Variants in PCNX2 observed in about 807,000 individuals in gnomAD.
PCNX2 encodes the protein pecanex 2.
Under a neutral mutation model 223.8 loss-of-function variants are expected in PCNX2, and 168 were observed. That is an observed-to-expected ratio of 0.75 (90% CI 0.66 to 0.85). The LOEUF (loss-of-function observed/expected upper bound fraction) is 0.85. Among genes scored for constraint, PCNX2 ranks in the 40% least tolerant of loss-of-function variants. The pLI is 0.00. For missense variants in PCNX2, 2,507 were observed against 2,675.5 expected, an observed-to-expected ratio of 0.94 and a Z score of 1.39; for synonymous variants, 1,006 against 1,052.6, an observed-to-expected ratio of 0.96 and a Z score of 0.86.
intron 19 of PCNX2, among the ~76,000 whole-genome samples, chr1:233,146,428 G>A (rs867580034): frequency 2.6e-5 from 4 of 152,142 alleles, no homozygotes; most frequent in East Asian, 1.9e-4. Context: ...AGTAACTAGC[G>A]TATTAAACAA....
At chr1:233,257,076 T>G (rs1489428579) in intron 5 of PCNX2, among the ~76,000 whole-genome samples, 1 of 152,188 alleles carries the variant, frequency 6.6e-6, no homozygotes, top group African/African-American at 2.4e-5. Flanking sequence ...AAAGACCTTA[T>G]AAAAGCTCTA....
At chr1:233,140,707 C>G (rs1215038899) in intron 19 of PCNX2, among the ~76,000 whole-genome samples, 1 of 152,202 alleles carries the variant, frequency 6.6e-6, no homozygotes, top group African/African-American at 2.4e-5. Context: ...GGTCAGAGCA[C>G]AAACTTCCTT....
intron 23 of PCNX2, among the ~76,000 whole-genome samples, chr1:233,069,226 G>C (rs1672744972): frequency 6.6e-6 from 1 of 152,086 alleles, no homozygotes; most frequent in South Asian, 2.1e-4. Context: ...AAACCTGATA[G>C]AACTGAAAAA....
chr1:233,047,937 C>G (rs898904672), intron 25 of PCNX2, among the ~76,000 whole-genome samples: 2 of 152,052 alleles, frequency 1.3e-5, no homozygotes, highest in African/African-American at 4.8e-5. Context: ...GAACATACTG[C>G]AAGATCAACC....
At chr1:233,032,673 G>T (rs1229800353) in intron 25 of PCNX2, among the ~76,000 whole-genome samples, 1 of 151,700 alleles carries the variant, frequency 6.6e-6, no homozygotes, top group Non-Finnish European at 1.5e-5. Flanking sequence ...ACATGTGTGT[G>T]TCTGTGTATG....
chr1:233,276,533 G>C (rs1476680449), intron 1 of PCNX2, among the ~76,000 whole-genome samples: 1 of 152,120 alleles, frequency 6.6e-6, no homozygotes, highest in Non-Finnish European at 1.5e-5. Context: ...ATAACACTTT[G>C]GATTACGCAT....
intron 1 of PCNX2, among the ~76,000 whole-genome samples, chr1:233,277,755 A>G (rs775273491): frequency 6.6e-5 from 10 of 152,112 alleles, no homozygotes; most frequent in Non-Finnish European, 1.5e-4. Context: ...GGAGGAGGGC[A>G]CCGATCATTA....
At chr1:232,993,306 T>C (rs1309151945) in intron 32 of PCNX2, among the ~76,000 whole-genome samples, 1 of 152,226 alleles carries the variant, frequency 6.6e-6, no homozygotes, top group East Asian at 1.9e-4. Context: ...TCACTCTTGC[T>C]GTGCTTTAAC....
intron 21 of PCNX2, among the ~76,000 whole-genome samples, chr1:233,119,478 G>A (rs1456975259): frequency 3.4e-4 from 49 of 145,916 alleles, no homozygotes; most frequent in African/African-American, 1.2e-3. Context: ...CCAGCTACTC[G>A]GGAGGCTGAG....
At chr1:233,133,803 T>C (rs1676646459) in intron 21 of PCNX2, among the ~76,000 whole-genome samples, 2 of 152,110 alleles carry the variant, frequency 1.3e-5, no homozygotes, top group Non-Finnish European at 2.9e-5. Context: ...GAGGCTGCAG[T>C]GAGCAATAAT....
chr1:233,178,378 A>G (rs1414450362), intron 16 of PCNX2, among the ~76,000 whole-genome samples: 3 of 152,214 alleles, frequency 2.0e-5, no homozygotes, highest in African/African-American at 7.2e-5. Flanking sequence ...AATCTTTCAT[A>G]AATTTAAACA....
intron 25 of PCNX2, among the ~76,000 whole-genome samples, chr1:233,040,890 T>G (rs936065138): frequency 6.6e-6 from 1 of 152,184 alleles, no homozygotes. Context: ...CCTCTAAAGA[T>G]ATCAGTTTGA....
chr1:232,986,531 T>A lies in PCNX2; in HGVS notation c.5801A>T (p.Lys1934Ile), dbSNP rs373904408. 7.2e-5 allele frequency: 110 copies of A among 1,526,056 alleles called. No individual in the cohort carries two copies. The African/African-American group carries it at 1.4e-3, about 20-fold the overall frequency. 94.5% of individuals were successfully genotyped at this position (1,526,056 alleles called of 1,614,324 possible). A position where few individuals can be genotyped will look rare whatever the true frequency, so the allele number is the denominator to read the frequency against. Residue 1934 changes from lysine (K) to isoleucine (I), a missense_variant, in exon 33 of 34, where the codon AAA (lysine) becomes ATA (isoleucine). Coordinates refer to ENST00000258229, the MANE Select transcript of PCNX2 (RefSeq NM_014801.4). ...CEGTQRTGRR[K>I]GRSQSVQAHS... ...TGCCTGCACGGACTGGCTCCTGCCT[T>A]TCCTCCTGCCTTTAAAAGAAAGCAG...
chr1:233,183,799 T>C (rs1242362462), intron 15 of PCNX2, among the ~76,000 whole-genome samples: 3 of 152,138 alleles, frequency 2.0e-5, no homozygotes, highest in African/African-American at 7.2e-5. Context: ...CACGAGGGGC[T>C]ACACAGCAGG....
rs1247974205 is a variant in PCNX2 at position 233,000,441 on chromosome 1, C to T, written c.5192G>A (p.Gly1731Asp). The T allele has an allele frequency of 6.3e-7, 1 of 1,599,042 alleles. No homozygotes were observed. The highest frequency in any genetic ancestry group is 2.2e-5 in the East Asian group (1 of 44,676). The change falls in exon 30 of 34, where the codon GGC (glycine) becomes GAC (aspartate). Residue 1731 changes from glycine to aspartate, a missense_variant. Gly to Asp is a moderately conservative substitution (Grantham distance 94, BLOSUM62 -1). This residue lies in a region of PCNX2 where 1,372 missense variants were observed against 1,509.4 expected (regional missense o/e 0.91). Transcript: ENST00000258229. The surrounding 1 kb of genome is among the most constrained non-coding windows in gnomAD (Gnocchi z 4.6). ...CACTGCGCCCCGCCAGGCCGGGTCG[C>T]CCTCGTGGCAGATGACCACCTTCTT... ...FEKKVVICHE[G>D]DPAWRGAVLS...
At position 233,001,237 on chromosome 1, in the gene PCNX2, TG is replaced by T. The variant is rs1273035674; in HGVS notation, c.5097+299del. ...GCTCACGCCTGTAATCCCAGCACTT[TG>T]GGAGGCTAAGGCGGGCAGATCACTT... is the stretch of plus-strand genomic sequence containing the variant. On this transcript the variant is annotated intron_variant, in intron 29 of 33. Coordinates refer to ENST00000258229, the MANE Select transcript of PCNX2 (RefSeq NM_014801.4). The surrounding 1 kb of genome is among the most constrained non-coding windows in gnomAD (Gnocchi z 4.2). 6.6e-6 allele frequency among the ~76,000 whole-genome samples: 1 copy of T among 152,126 alleles called. No individual in the cohort carries two copies. Among genetic ancestry groups the T allele is most frequent in the Non-Finnish European group, 1.5e-5 (1 of 68,032 alleles).
chr1:233,133,681 C>A (rs886263269), intron 21 of PCNX2, among the ~76,000 whole-genome samples: 2 of 140,798 alleles, frequency 1.4e-5, no homozygotes, highest in African/African-American at 5.0e-5. Context: ...CATAGCAAGA[C>A]CCTATCTTTA....
intron 28 of PCNX2, among the ~76,000 whole-genome samples, chr1:233,007,174 C>T (rs745491754): frequency 2.2e-4 from 33 of 151,250 alleles, no homozygotes; most frequent in Admixed American, 1.9e-3. Context: ...ACAGCACCTG[C>T]GAGTAGCCAT....
intron 32 of PCNX2, among the ~76,000 whole-genome samples, chr1:232,992,941 C>A (rs1385193988): frequency 6.6e-6 from 1 of 152,224 alleles, no homozygotes; most frequent in Non-Finnish European, 1.5e-5. Flanking sequence ...GAGGCCTCCC[C>A]AGCCATGTGG....
Sources: allele counts gnomAD v4.1 joint callset (sites outside exome capture counted in the v4.1 genomes callset), GRCh38; gene constraint gnomAD v4.1.1; regional missense constraint gnomAD v4.1.1; non-coding constraint Gnocchi (gnomAD v3.1); transcripts MANE v1.5; gene names NCBI Gene and HGNC (gene_info 2026-07-23, HGNC 2026-07-21).